CYREN: variants seen among roughly 807,000 people sequenced by gnomAD.
The protein encoded by CYREN is cell cycle regulator of non-homologous end joining.
Under a neutral mutation model 9.7 loss-of-function variants are expected in CYREN, and 7 were observed. The observed-to-expected ratio is 0.72, with a 90% CI of 0.41 to 1.36. The LOEUF is 1.36. Among genes scored for constraint, CYREN ranks in the 40% most tolerant of loss-of-function variants. CYREN has a pLI of 0.01. For synonymous variants in CYREN, 76 were observed against 77.9 expected, an observed-to-expected ratio of 0.98 and a Z score of 0.13; for missense variants, 215 against 198.1, an observed-to-expected ratio of 1.09 and a Z score of -0.51.
downstream of CYREN, among the ~76,000 whole-genome samples, chr7:135,162,624 A>C (rs1227422137): frequency 1.3e-5 from 2 of 152,162 alleles, no homozygotes; most frequent in Non-Finnish European, 2.9e-5. Context: ...ATCAGATATC[A>C]TGAGACTCAC....
chr7:135,142,433 A>G (rs979326943), intron 2 of CYREN, among the ~76,000 whole-genome samples: 1 of 152,170 alleles, frequency 6.6e-6, no homozygotes, highest in Non-Finnish European at 1.5e-5. Context: ...CTGATCAACA[A>G]TAGGCTATTA....
intron 2 of CYREN, among the ~76,000 whole-genome samples, chr7:135,096,756 AAAG>A (rs1430163005): frequency 6.8e-6 from 1 of 147,352 alleles, no homozygotes; most frequent in East Asian, 2.0e-4. Flanking sequence ...AGAAAGAAAG[AAAG>A]AAAGAAAGAA....
At chr7:135,167,296 A>G (rs557534892) in intron 3 of CYREN, 37 of 1,070,128 alleles carry the variant, frequency 3.5e-5, no homozygotes, top group Non-Finnish European at 4.2e-5. Flanking sequence ...TAAACTGTAG[A>G]ATGCTGTGCA....
chr7:135,167,974 TGC>T (rs1830307804), intron 2 of CYREN, 167 bp from the exon 3 acceptor site: 3 of 1,214,454 alleles, frequency 2.5e-6, no homozygotes, highest in African/African-American at 1.5e-5. Flanking sequence ...TCCTCAGCCT[TGC>T]AGCCCAGTGA....
intron 2 of CYREN, chr7:135,129,115 T>C: frequency 1.9e-6 from 3 of 1,555,016 alleles, no homozygotes; most frequent in African/African-American, 1.4e-5. Flanking sequence ...AAAGAGCTAG[T>C]GGAAGCAGAG....
chr7:135,097,582 C>A (rs1388235196), intron 2 of CYREN, among the ~76,000 whole-genome samples: 1 of 152,086 alleles, frequency 6.6e-6, no homozygotes, highest in Non-Finnish European at 1.5e-5. Context: ...AGATCTTACC[C>A]ACTAAATGTC....
At chr7:135,115,304 G>A in intron 2 of CYREN, 1 of 929,584 alleles carries the variant, frequency 1.1e-6, no homozygotes, top group South Asian at 1.9e-5. Context: ...TAAAATCCTT[G>A]GCATATAATA....
At chr7:135,108,813 G>A (rs1219191376) in intron 2 of CYREN, among the ~76,000 whole-genome samples, 1 of 152,108 alleles carries the variant, frequency 6.6e-6, no homozygotes, top group Non-Finnish European at 1.5e-5. Context: ...CCCTTTCAGG[G>A]ATGCAAATGA....
intron 2 of CYREN, among the ~76,000 whole-genome samples, chr7:135,158,216 G>A (rs1829843012): frequency 6.6e-6 from 1 of 152,166 alleles, no homozygotes; most frequent in Non-Finnish European, 1.5e-5. Flanking sequence ...AGAAGCTGTA[G>A]GGAAGGCAGT....
intron 2 of CYREN, chr7:135,128,686 T>G (rs1828303072): frequency 7.7e-7 from 1 of 1,294,916 alleles, no homozygotes; most frequent in South Asian, 1.2e-5. Flanking sequence ...CTGAATATTG[T>G]CTCTCCTTTT....
At chr7:135,114,632 C>G (rs1476928365) in intron 2 of CYREN, among the ~76,000 whole-genome samples, 1 of 152,076 alleles carries the variant, frequency 6.6e-6, no homozygotes, top group Non-Finnish European at 1.5e-5. Context: ...CATATGTACC[C>G]AGAATACTCC....
At chr7:135,124,280 C>A (rs1237496755) in intron 2 of CYREN, among the ~76,000 whole-genome samples, 2 of 149,606 alleles carry the variant, frequency 1.3e-5, no homozygotes, top group Non-Finnish European at 3.0e-5. Context: ...TTTAAACCAA[C>A]AAAATCAAAA....
chr7:135,148,871 A>C (rs547207405), intron 2 of CYREN, among the ~76,000 whole-genome samples: 7 of 152,272 alleles, frequency 4.6e-5, no homozygotes, highest in African/African-American at 1.7e-4. Flanking sequence ...AGTTCTCTTG[A>C]TGCATATTTT....
intron 2 of CYREN, chr7:135,168,322 G>T (rs765889430): frequency 1.7e-5 from 1 of 59,170 alleles, no homozygotes. Context: ...GGCAATTACC[G>T]TCATTCAACT....
chr7:135,097,689 C>G (rs533082214), intron 2 of CYREN, among the ~76,000 whole-genome samples: 5 of 152,160 alleles, frequency 3.3e-5, no homozygotes, highest in Admixed American at 6.5e-5. Flanking sequence ...TTCCTGAAAA[C>G]ATACAGAAGC....
At chr7:135,120,716 A>G (rs925825725) in intron 2 of CYREN, among the ~76,000 whole-genome samples, 1 of 152,242 alleles carries the variant, frequency 6.6e-6, no homozygotes, top group African/African-American at 2.4e-5. Flanking sequence ...AAATATGACA[A>G]TGGAGGCAGG....
rs143355507 is a variant in CYREN at position 135,117,888 on chromosome 7, A to G, written n.357-23306T>C. Among the ~76,000 whole-genome samples the G allele has an allele frequency of 1.7e-4, 26 of 152,312 alleles. 1 individual carries two copies. Among genetic ancestry groups the G allele is most frequent in the African/African-American group, 4.6e-4 (19 of 41,560 alleles). ...CCTCTACCCACTGGCATGGTTGCCAATCAGATTATCTTTCTCTATACTTTG... is the reference window on the plus strand; with the variant it reads ...CCTCTACCCACTGGCATGGTTGCCAGTCAGATTATCTTTCTCTATACTTTG... On this transcript the variant is annotated intron_variant and non_coding_transcript_variant, in intron 2 of 2. Transcript: ENST00000459937.
At chr7:135,126,316 C>G (rs1371668350) in intron 2 of CYREN, among the ~76,000 whole-genome samples, 3 of 152,060 alleles carry the variant, frequency 2.0e-5, no homozygotes, top group Non-Finnish European at 2.9e-5. Context: ...AATAAAACAC[C>G]TAGGAATACA....
chr7:135,167,765 C>T lies in CYREN; in HGVS notation c.180G>A (p.Glu60=), dbSNP rs769143112. 1.2e-6 allele frequency: 2 copies of T among 1,614,226 alleles called. No individual in the cohort carries two copies. Among genetic ancestry groups the T allele is most frequent in the Non-Finnish European group, 1.7e-6 (2 of 1,180,040 alleles). ...GGATTCCCAGAGCAACATCAACTATCTCAGCCTCATTCATGCAGTACACAG... is the reference window on the plus strand; with the variant it reads ...GGATTCCCAGAGCAACATCAACTATTTCAGCCTCATTCATGCAGTACACAG... ...TRTVYCMNEA[E]IVDVALGILI... The change falls in exon 3 of 4, where the codon GAG becomes GAA. Residue 60 remains glutamate (E), a synonymous_variant. Coordinates refer to ENST00000393114, the MANE Select transcript of CYREN (RefSeq NM_024033.4).
Sources: gnomAD v4.1 joint callset for allele counts (sites outside exome capture counted in the v4.1 genomes callset) on GRCh38, gnomAD v4.1.1 for gene constraint, MANE v1.5 for transcripts, NCBI Gene and HGNC (gene_info 2026-07-23, HGNC 2026-07-21) for gene names.